The following MFSD11 variants were observed in gnomAD, a reference collection of about 807,000 sequenced individuals.
MFSD11 encodes UNC93-like protein MFSD11.
MFSD11 carries 36 observed loss-of-function variants against 53.5 expected under a neutral mutation model. The observed-to-expected ratio is 0.67, with a 90% confidence interval of 0.52 to 0.89. The LOEUF (loss-of-function observed/expected upper bound fraction) is 0.89, where lower values mean the gene tolerates loss of function less well. Among genes scored for constraint, MFSD11 ranks in the 40% least tolerant of loss-of-function variants. The probability of loss-of-function intolerance (pLI) is 0.00; values close to 1 mark genes in which losing one functional copy is unlikely to be tolerated. For missense variants in MFSD11, 530 were observed against 543.9 expected (o/e 0.97, Z 0.25); for synonymous variants, 186 against 184.9 (o/e 1.01, Z -0.05).
At chr17:76,742,072 C>G in intron 4 of MFSD11, 24 bp downstream of exon 4, 2 of 1,614,054 alleles carry the variant, frequency 1.2e-6, no homozygotes, top group Middle Eastern at 3.3e-4. Context: ...TTTTTAACTT[C>G]TCTGCTTTCT....
the MFSD11 span, among the ~76,000 whole-genome samples, chr17:76,798,288 G>T: frequency 6.6e-6 from 1 of 152,164 alleles, no homozygotes; most frequent in African/African-American, 2.4e-5. Flanking sequence ...GGGTGGGGAT[G>T]CAAAGCCTCT....
At chr17:76,763,955 T>C (rs1012467030) in intron 8 of MFSD11, among the ~76,000 whole-genome samples, 2 of 151,990 alleles carry the variant, frequency 1.3e-5, no homozygotes, top group Non-Finnish European at 2.9e-5. Flanking sequence ...CTCCTCCTCC[T>C]GGGTTCAGGC....
At chr17:76,755,633 T>C (rs1180330519) in intron 8 of MFSD11, among the ~76,000 whole-genome samples, 1 of 151,250 alleles carries the variant, frequency 6.6e-6, no homozygotes, top group Non-Finnish European at 1.5e-5. Context: ...AAAAGGTCTA[T>C]GAGCATGGGA....
chr17:76,746,147 A>T (rs535843846), intron 7 of MFSD11, among the ~76,000 whole-genome samples: 1 of 152,348 alleles, frequency 6.6e-6, no homozygotes, highest in East Asian at 1.9e-4. Flanking sequence ...AAACAGCCTT[A>T]TTGCTGATAC....
At chr17:76,795,103 G>A in the MFSD11 span, among the ~76,000 whole-genome samples, 1 of 152,060 alleles carries the variant, frequency 6.6e-6, no homozygotes, top group Admixed American at 6.6e-5. Context: ...TACTGAACAT[G>A]TGCAGACTTT....
chr17:76,769,789 T>G lies in MFSD11; in HGVS notation c.792T>G (p.Ile264Met). 1.2e-6 allele frequency: 2 copies of G among 1,612,668 alleles called. No individual in the cohort carries two copies. The highest frequency in any genetic ancestry group is 1.7e-6 in the Non-Finnish European group (2 of 1,179,192). The stretch of plus-strand genomic sequence containing the variant: ...TCTCTGGTGTATATGGAACCTGTAT[T>G]GGTGCTACAAATAAATTTGGAGCAG... ...TFFSGVYGTCIGATNKFGAEE... is the reference protein window; with the variant it reads ...TFFSGVYGTCMGATNKFGAEE... Residue 264 changes from isoleucine to methionine, a missense_variant, in exon 10 of 13, where the codon ATT becomes ATG. Coordinates refer to ENST00000685175, the MANE Select transcript of MFSD11 (RefSeq NM_001242532.5).
the MFSD11 span, among the ~76,000 whole-genome samples, chr17:76,795,337 A>AAAAT: frequency 6.6e-6 from 1 of 150,866 alleles, no homozygotes; most frequent in Non-Finnish European, 1.5e-5. Flanking sequence ...AAAAAAAAAA[A>AAAAT]AATTAGCCAG....
downstream of MFSD11, among the ~76,000 whole-genome samples, chr17:76,783,504 G>A (rs2082222577): frequency 6.6e-6 from 1 of 152,104 alleles, no homozygotes; most frequent in Non-Finnish European, 1.5e-5. Flanking sequence ...CTTTCCTCTA[G>A]GAGTTTTTGT....
At chr17:76,741,917 A>G (rs2078120589) in intron 3 of MFSD11, 52 bp from the exon 4 acceptor site, 4 of 1,612,720 alleles carry the variant, frequency 2.5e-6, no homozygotes, top group Admixed American at 1.7e-5. Context: ...CATAATTGGC[A>G]TTCTATTTCA....
upstream of MFSD11, chr17:76,737,693 C>G: frequency 5.7e-6 from 1 of 174,674 alleles, no homozygotes; most frequent in East Asian, 1.1e-4. Context: ...TTTTGCTCAG[C>G]CGTCAGCCCC....
chr17:76,752,110 T>C (rs976872688), intron 7 of MFSD11, among the ~76,000 whole-genome samples: 1 of 152,182 alleles, frequency 6.6e-6, no homozygotes, highest in Non-Finnish European at 1.5e-5. Context: ...TGAAAGCAAA[T>C]GGTATCAATA....
chr17:76,749,281 T>C (rs948283248), intron 7 of MFSD11, among the ~76,000 whole-genome samples: 3 of 152,010 alleles, frequency 2.0e-5, no homozygotes, highest in Admixed American at 1.3e-4. Context: ...CATAGCACTT[T>C]GGGAGGCCGA....
chr17:76,800,262 C>T, the MFSD11 span, among the ~76,000 whole-genome samples: 1 of 151,996 alleles, frequency 6.6e-6, no homozygotes, highest in Admixed American at 6.6e-5. Flanking sequence ...GCTTAGCCTT[C>T]GGTTTTGCTA....
chr17:76,774,427 T>C (rs1349118961), intron 10 of MFSD11, among the ~76,000 whole-genome samples: 1 of 152,176 alleles, frequency 6.6e-6, no homozygotes, highest in Non-Finnish European at 1.5e-5. Context: ...TGGTATCGAT[T>C]TCTGGGGTAG....
intron 3 of MFSD11, 145 bp downstream of exon 3, chr17:76,741,209 C>A: frequency 1.6e-6 from 1 of 608,558 alleles, no homozygotes; most frequent in Non-Finnish European, 2.9e-6. Flanking sequence ...ACTTGTTGCT[C>A]AGGGATATCA....
chr17:76,787,695 C>G, the MFSD11 span, among the ~76,000 whole-genome samples: 1 of 149,442 alleles, frequency 6.7e-6, no homozygotes, highest in African/African-American at 2.5e-5. Context: ...AAAACCCTAA[C>G]CCCCCAACCC....
At chr17:76,759,063 T>C (rs1191174480) in intron 8 of MFSD11, among the ~76,000 whole-genome samples, 1 of 152,032 alleles carries the variant, frequency 6.6e-6, no homozygotes, top group African/African-American at 2.4e-5. Flanking sequence ...CTAAGCAACA[T>C]AGTGAGACCT....
At chr17:76,749,461 G>T (rs1235252652) in intron 7 of MFSD11, among the ~76,000 whole-genome samples, 2 of 151,938 alleles carry the variant, frequency 1.3e-5, no homozygotes, top group Non-Finnish European at 2.9e-5. Flanking sequence ...CCCAGGACGC[G>T]GAGGTTGCAG....
chr17:76,796,615 C>G, the MFSD11 span, among the ~76,000 whole-genome samples: 2 of 152,106 alleles, frequency 1.3e-5, no homozygotes, highest in Non-Finnish European at 2.9e-5. Flanking sequence ...TCCCACAAGA[C>G]TACCATTACC....
Sources: allele counts gnomAD v4.1 joint callset (sites outside exome capture counted in the v4.1 genomes callset), GRCh38; gene constraint gnomAD v4.1.1; transcripts MANE v1.5; gene names NCBI Gene and HGNC (gene_info 2026-07-23, HGNC 2026-07-21).